Variants in TWF2 observed in about 807,000 individuals in gnomAD.
The protein encoded by TWF2 is twinfilin-2.
In TWF2, 15 loss-of-function variants were observed where a neutral mutation model predicts 45.1. The ratio of observed to expected loss-of-function variants is 0.33; its 90% CI spans 0.22 to 0.51. The LOEUF is 0.51. TWF2 is among the 20% of genes least tolerant of loss of function. The pLI is 0.97. For synonymous variants in TWF2, 177 were observed against 195.8 expected, an observed-to-expected ratio of 0.90 and a Z score of 0.80; for missense variants, 423 against 469.1, an observed-to-expected ratio of 0.90 and a Z score of 0.91.
At chr3:52,229,516 C>G (rs1262488563) in intron 8 of TWF2, 145 bp downstream of exon 8, 1 of 1,370,080 alleles carries the variant, frequency 7.3e-7, no homozygotes, top group African/African-American at 1.4e-5. Context: ...TTGGGCCATG[C>G]GTGTTGCTCC....
intron 2 of TWF2, among the ~76,000 whole-genome samples, chr3:52,233,716 C>G (rs2267847): frequency 0.27 from 41,212 of 151,964 alleles, 6,913 homozygotes; most frequent in East Asian, 0.36. Flanking sequence ...ATCACGAAGT[C>G]AGGAGATTGA....
Position 52,228,823 on chromosome 3 carries a change from C to G in TWF2, c.*211G>C. The G allele has an allele frequency of 1.3e-6, 1 of 755,870 alleles. No individual in the cohort carries two copies. Among genetic ancestry groups the G allele is most frequent in the Non-Finnish European group, 2.0e-6 (1 of 488,158 alleles). 46.8% of individuals were successfully genotyped at this position (755,870 alleles called of 1,614,324 possible). ...GCCAGCCAGGCAGGGTCCCCGGACACCCTGGGCACACAGACGAGATGCAGG... is the reference window on the plus strand; with the variant it reads ...GCCAGCCAGGCAGGGTCCCCGGACAGCCTGGGCACACAGACGAGATGCAGG... On this transcript the variant is annotated 3_prime_UTR_variant, in exon 9 of 9. Transcript: ENST00000305533.
chr3:52,238,932 G>C (rs909271421), intron 1 of TWF2, 60 bp downstream of exon 1: 22 of 1,562,788 alleles, frequency 1.4e-5, no homozygotes, highest in Non-Finnish European at 1.6e-5. Context: ...CGAGAGCCGG[G>C]GGGGGGCGCT....
chr3:52,234,319 G>A (rs945350564), intron 2 of TWF2, among the ~76,000 whole-genome samples: 10 of 152,118 alleles, frequency 6.6e-5, no homozygotes, highest in Non-Finnish European at 1.3e-4. Context: ...TCACCCAAAG[G>A]GACAGTCCAT....
At chr3:52,229,268 C>A in intron 8 of TWF2, 67 bp from the exon 9 acceptor site, 1 of 1,575,552 alleles carries the variant, frequency 6.3e-7, no homozygotes, top group Non-Finnish European at 8.6e-7. Flanking sequence ...CCTGGTAGCC[C>A]CCACTCCTGG....
rs753463424 is a variant in TWF2, at chr3:52,229,136, T to C, written c.948A>G (p.Gln316=). The C allele has an allele frequency of 6.2e-7, 1 of 1,613,628 alleles. No individual in the cohort carries two copies. Among genetic ancestry groups the C allele is most frequent in the Non-Finnish European group, 8.5e-7 (1 of 1,180,018 alleles). Residue 316 remains glutamine (Q), a synonymous_variant, in exon 9 of 9, where the codon CAA becomes CAG. Transcript: ENST00000305533. ...TGGCGAAGGCCTGCTTGAAGGCGTGTTGCTTGGGGTGCACCTCGTCGTAGA... is the reference window on the plus strand; with the variant it reads ...TGGCGAAGGCCTGCTTGAAGGCGTGCTGCTTGGGGTGCACCTCGTCGTAGA... ...EFLYDEVHPK[Q]HAFKQAFAKP... is the part of the protein sequence containing the mutation.
intron 1 of TWF2, among the ~76,000 whole-genome samples, chr3:52,235,314 G>T (rs537404372): frequency 1.3e-3 from 202 of 150,380 alleles, no homozygotes; most frequent in African/African-American, 4.6e-3. Context: ...CTGCTGGCTG[G>T]GATAGGTCTG....
At chr3:52,229,257 C>G in intron 8 of TWF2, 56 bp from the exon 9 acceptor site, 3 of 1,585,926 alleles carry the variant, frequency 1.9e-6, no homozygotes, top group Non-Finnish European at 1.7e-6. Flanking sequence ...CACACACCAC[C>G]CCTGGTAGCC....
In TWF2 at chr3:52,231,512, T is replaced by C; in HGVS notation, c.310A>G (p.Thr104Ala). The C allele has an allele frequency of 6.2e-7, 1 of 1,613,816 alleles. No homozygotes were observed. The highest frequency in any genetic ancestry group is 2.2e-5 in the East Asian group (1 of 44,880). The change falls in exon 4 of 9, where the codon ACG becomes GCG. Residue 104 changes from threonine to alanine, a missense_variant. By Grantham distance (58) the Thr-to-Ala change is moderately conservative. Coordinates refer to ENST00000305533, the MANE Select transcript of TWF2 (RefSeq NM_007284.4). ...AACTCCTTTTTCACTGTGGCCCGCG[T>C]GGCCGCGTACAGCATCTTCAGCCGC... Reference protein sequence around the residue: ...PVRLKMLYAATRATVKKEFGG... With the variant: ...PVRLKMLYAAARATVKKEFGG...
chr3:52,237,511 C>T lies in TWF2; in HGVS notation c.25+1481G>A, dbSNP rs545947605. Among the ~76,000 whole-genome samples the T allele has an allele frequency of 7.9e-5, 12 of 152,184 alleles. No homozygotes were observed. In the South Asian group the frequency reaches 1.9e-3, roughly 24 times the overall value. ...CTAGGGGCAGCCCAGTCCCCAGTGA[C>T]CCCCTCGGTGGGCCTGTCTCACTAT... On this transcript the variant is annotated intron_variant, in intron 1 of 8. Transcript: ENST00000305533.
chr3:52,232,624 G>A (rs992421968), intron 2 of TWF2, among the ~76,000 whole-genome samples: 1 of 152,204 alleles, frequency 6.6e-6, no homozygotes, highest in African/African-American at 2.4e-5. Flanking sequence ...GGGACCTACA[G>A]GGGTAAAAGC....
Position 52,228,859 on chromosome 3 carries a change from GGGAA to G in TWF2, c.*171_*174del, listed in dbSNP as rs1232591356. The G allele has an allele frequency of 1.1e-6, 1 of 949,040 alleles. No individual in the cohort carries two copies. Among genetic ancestry groups the G allele is most frequent in the East Asian group, 2.7e-5 (1 of 36,982 alleles). 58.8% of individuals were successfully genotyped at this position (949,040 alleles called of 1,614,324 possible). A position where few individuals can be genotyped will look rare whatever the true frequency, so the allele number is the denominator to read the frequency against. ...CAGACGAGATGCAGGGACAGCAACA[GGGAA>G]GGGTCACAAAATGCCAGCCCGGTGG... On this transcript the variant is annotated 3_prime_UTR_variant, in exon 9 of 9. Coordinates refer to ENST00000305533, the MANE Select transcript of TWF2 (RefSeq NM_007284.4).
chr3:52,231,405 C>A, intron 4 of TWF2, 39 bp downstream of exon 4: 1 of 1,605,640 alleles, frequency 6.2e-7, no homozygotes, highest in Non-Finnish European at 8.5e-7. Context: ...TCTCTGTGGG[C>A]CCAGGATTGT....
intron 6 of TWF2, 150 bp from the exon 7 acceptor site, chr3:52,230,220 T>G: frequency 9.0e-7 from 1 of 1,105,994 alleles, no homozygotes; most frequent in Non-Finnish European, 1.2e-6. Context: ...GCCATCCCTC[T>G]ATGGGGGTCC....
At chr3:52,231,324 A>G (rs1699675651) in intron 4 of TWF2, 93 bp from the exon 5 acceptor site, 22 of 1,571,556 alleles carry the variant, frequency 1.4e-5, no homozygotes, top group Non-Finnish European at 1.7e-5. Flanking sequence ...CAGCCCTTGG[A>G]CTCCCCCAGC....
intron 2 of TWF2, among the ~76,000 whole-genome samples, chr3:52,232,442 C>A (rs867455528): frequency 6.6e-6 from 1 of 152,122 alleles, no homozygotes; most frequent in South Asian, 2.1e-4. Flanking sequence ...TCACGGACAC[C>A]ACACCCCTGG....
At chr3:52,234,970 C>G in intron 2 of TWF2, 59 bp downstream of exon 2, 1 of 1,588,424 alleles carries the variant, frequency 6.3e-7, no homozygotes, top group Non-Finnish European at 8.6e-7. Flanking sequence ...CTTCCCCCAC[C>G]CACAGAGGCA....
intron 8 of TWF2, 24 bp from the exon 9 acceptor site, chr3:52,229,225 A>AC (rs1485516486): frequency 1.9e-6 from 3 of 1,606,418 alleles, no homozygotes; most frequent in Non-Finnish European, 1.7e-6. Context: ...GGCAGTGGTC[A>AC]CCCCAATGGG....
chr3:52,238,877 G>C, intron 1 of TWF2, 115 bp downstream of exon 1: 1 of 1,360,964 alleles, frequency 7.3e-7, no homozygotes. Context: ...CTGCAAAAGA[G>C]AACAGGAAGC....
Sources: gnomAD v4.1 joint callset for allele counts (sites outside exome capture counted in the v4.1 genomes callset) on GRCh38, gnomAD v4.1.1 for gene constraint, MANE v1.5 for transcripts, NCBI Gene and HGNC (gene_info 2026-07-23, HGNC 2026-07-21) for gene names.